CALCRL: variants seen among roughly 807,000 people sequenced by gnomAD.
CALCRL encodes the protein calcitonin gene-related peptide type 1 receptor.
Under a neutral mutation model 60.4 loss-of-function variants are expected in CALCRL, and 27 were observed. The observed-to-expected ratio is 0.45, with a 90% confidence interval of 0.33 to 0.62. CALCRL has a LOEUF of 0.62. Among genes scored for constraint, CALCRL ranks in the 20% least tolerant of loss-of-function variants. The probability of loss-of-function intolerance (pLI) is 0.03; values close to 1 mark genes in which losing one functional copy is unlikely to be tolerated. For missense variants in CALCRL, 424 were observed against 540.7 expected, an observed-to-expected ratio of 0.78 and a Z score of 2.14; for synonymous variants, 190 against 182.6, an observed-to-expected ratio of 1.04 and a Z score of -0.33.
At chr2:187,401,199 CA>C (rs536966973) in intron 1 of CALCRL, among the ~76,000 whole-genome samples, 13 of 151,558 alleles carry the variant, frequency 8.6e-5, no homozygotes, top group African/African-American at 2.9e-4. Flanking sequence ...AAGTAAATGC[CA>C]AAAGGCCATG....
chr2:187,390,365 G>A (rs541869217), intron 1 of CALCRL, among the ~76,000 whole-genome samples: 1 of 151,996 alleles, frequency 6.6e-6, no homozygotes, highest in Admixed American at 6.6e-5. Context: ...TAAAAATCAC[G>A]TATGTTTTAC....
chr2:187,440,890 T>TA (rs568093864), intron 1 of CALCRL, among the ~76,000 whole-genome samples: 80 of 152,164 alleles, frequency 5.3e-4, no homozygotes, highest in African/African-American at 1.8e-3. Flanking sequence ...TTCAATTAAT[T>TA]AAAAAATTAA....
chr2:187,435,664 G>T (rs1690604748), intron 1 of CALCRL, among the ~76,000 whole-genome samples: 1 of 152,134 alleles, frequency 6.6e-6, no homozygotes, highest in Non-Finnish European at 1.5e-5. Context: ...CAAAATATAT[G>T]AAATGCAATT....
intron 1 of CALCRL, among the ~76,000 whole-genome samples, chr2:187,390,390 A>G (rs938228624): frequency 6.6e-6 from 1 of 152,164 alleles, no homozygotes; most frequent in African/African-American, 2.4e-5. Flanking sequence ...TAATTTTTTA[A>G]TGATTTACGC....
intron 1 of CALCRL, among the ~76,000 whole-genome samples, chr2:187,421,986 A>G (rs1689894817): frequency 6.6e-6 from 1 of 152,196 alleles, no homozygotes; most frequent in South Asian, 2.1e-4. Flanking sequence ...AAAAGGAAAG[A>G]TATTTGGACC....
intron 1 of CALCRL, among the ~76,000 whole-genome samples, chr2:187,414,182 A>G (rs1003764498): frequency 1.3e-5 from 2 of 152,114 alleles, no homozygotes. Flanking sequence ...CAGCAACATA[A>G]TAAATATTTT....
chr2:187,422,320 C>A (rs887150670), intron 1 of CALCRL, among the ~76,000 whole-genome samples: 1 of 152,166 alleles, frequency 6.6e-6, no homozygotes, highest in Non-Finnish European at 1.5e-5. Context: ...CTCGATGTCT[C>A]TAATAACAAG....
chr2:187,443,445 G>A (rs577026675), intron 1 of CALCRL, among the ~76,000 whole-genome samples: 16 of 151,784 alleles, frequency 1.1e-4, no homozygotes, highest in African/African-American at 3.6e-4. Context: ...GGATGAGAAA[G>A]GGGAACTAAT....
chr2:187,382,648 A>G (rs1688028666), intron 5 of CALCRL, among the ~76,000 whole-genome samples: 1 of 152,152 alleles, frequency 6.6e-6, no homozygotes, highest in South Asian at 2.1e-4. Context: ...CTAGTCAAGT[A>G]TCTGGTGCTT....
At chr2:187,433,756 G>GA (rs1266408641) in intron 1 of CALCRL, among the ~76,000 whole-genome samples, 1 of 151,796 alleles carries the variant, frequency 6.6e-6, no homozygotes, top group Non-Finnish European at 1.5e-5. Context: ...CTTATCTGAA[G>GA]AAAAAATATA....
chr2:187,347,436 G>A (rs1275360518), intron 14 of CALCRL, among the ~76,000 whole-genome samples: 1 of 151,684 alleles, frequency 6.6e-6, no homozygotes, highest in Non-Finnish European at 1.5e-5. Context: ...TTTTCCAAAG[G>A]GAATCTGAGC....
chr2:187,352,069 T>A (rs753676331), intron 13 of CALCRL, 45 bp downstream of exon 13: 59 of 1,577,862 alleles, frequency 3.7e-5, no homozygotes, highest in Non-Finnish European at 4.9e-5. Flanking sequence ...TATGTATATT[T>A]AATTCCAAAC....
intron 1 of CALCRL, among the ~76,000 whole-genome samples, chr2:187,413,338 T>A (rs1689449446): frequency 2.0e-5 from 3 of 152,228 alleles, no homozygotes; most frequent in South Asian, 4.1e-4. Flanking sequence ...TTTTCTTTGA[T>A]ATCATATATA....
chr2:187,398,856 T>C (rs544171452), intron 1 of CALCRL, among the ~76,000 whole-genome samples: 4 of 151,770 alleles, frequency 2.6e-5, no homozygotes, highest in Admixed American at 6.6e-5. Flanking sequence ...TGAAGGCAAT[T>C]AGCTGAGATT....
intron 1 of CALCRL, among the ~76,000 whole-genome samples, chr2:187,412,201 T>C (rs958758026): frequency 2.0e-5 from 3 of 152,128 alleles, no homozygotes; most frequent in Non-Finnish European, 4.4e-5. Context: ...TCTAAATCTT[T>C]CCTGATTTTC....
chr2:187,408,106 G>GA (rs1327519050), intron 1 of CALCRL, among the ~76,000 whole-genome samples: 3 of 151,554 alleles, frequency 2.0e-5, no homozygotes, highest in African/African-American at 7.3e-5. Flanking sequence ...CATTCTGAGG[G>GA]AAAAAATGTC....
intron 3 of CALCRL, among the ~76,000 whole-genome samples, chr2:187,385,940 G>C (rs1368002044): frequency 6.6e-6 from 1 of 151,958 alleles, no homozygotes; most frequent in African/African-American, 2.4e-5. Flanking sequence ...AGTAGAGATG[G>C]GGTTTCACCA....
At chr2:187,383,077 T>G (rs775830348) in intron 5 of CALCRL, 96 bp downstream of exon 5, 60 of 1,232,666 alleles carry the variant, frequency 4.9e-5, no homozygotes, top group Non-Finnish European at 6.5e-5. Context: ...CAATCTATTT[T>G]TAATAATGGA....
chr2:187,342,912 A>G lies in CALCRL; in HGVS notation c.*3272T>C, dbSNP rs1472462614. 6.6e-6 allele frequency among the ~76,000 whole-genome samples: 1 copy of G among 151,620 alleles called. No homozygotes were observed. Among genetic ancestry groups the G allele is most frequent in the African/African-American group, 2.4e-5 (1 of 41,414 alleles). The stretch of plus-strand genomic sequence containing the variant: ...TTATATTTGTGTGAGAGCCATGAAT[A>G]TGCCCTCTTTAAAAATTACCTTTAA... On this transcript the variant is annotated 3_prime_UTR_variant, in exon 15 of 15. Transcript: ENST00000392370.
Sources: gnomAD v4.1 joint callset for allele counts (sites outside exome capture counted in the v4.1 genomes callset) on GRCh38, gnomAD v4.1.1 for gene constraint, MANE v1.5 for transcripts, NCBI Gene and HGNC (gene_info 2026-07-23, HGNC 2026-07-21) for gene names.